The following GPHN variants were observed in gnomAD, a reference collection of about 807,000 sequenced individuals.
GPHN encodes gephyrin.
In GPHN, 17 loss-of-function variants were observed where a neutral mutation model predicts 95.5. The observed-to-expected ratio is 0.18, with a 90% CI of 0.12 to 0.27. GPHN has a LOEUF of 0.27. GPHN is among the 10% of genes least tolerant of loss of function. The pLI is 1.00. For missense variants in GPHN, 660 were observed against 978.1 expected (o/e 0.67, Z 4.34); for synonymous variants, 320 against 322.5 (o/e 0.99, Z 0.08).
intron 2 of GPHN, among the ~76,000 whole-genome samples, chr14:66,721,596 A>G (rs577549043): frequency 6.6e-6 from 1 of 152,242 alleles, no homozygotes; most frequent in African/African-American, 2.4e-5. Context: ...ATCCTTTGAT[A>G]TTTTCCAGGA....
chr14:67,336,855 CA>C, the GPHN span: 1 of 436,398 alleles, frequency 2.3e-6, no homozygotes, highest in South Asian at 1.6e-5. Context: ...ATTCTGTGAG[CA>C]GCAACCAGAT....
chr14:66,993,085 G>T (rs2071541262), intron 9 of GPHN, among the ~76,000 whole-genome samples: 1 of 152,106 alleles, frequency 6.6e-6, no homozygotes, highest in Admixed American at 6.6e-5. Context: ...TCATTTTAAA[G>T]CTTGAGAAAA....
chr14:67,096,507 CT>C (rs1225760359), intron 12 of GPHN, among the ~76,000 whole-genome samples: 5 of 152,076 alleles, frequency 3.3e-5, no homozygotes, highest in Non-Finnish European at 7.4e-5. Context: ...AGAATGCCAA[CT>C]TCATTTCTTT....
the GPHN span, among the ~76,000 whole-genome samples, chr14:67,358,868 C>T: frequency 1.3e-5 from 2 of 152,152 alleles, no homozygotes; most frequent in African/African-American, 2.4e-5. Flanking sequence ...AAAGGCAGCC[C>T]ACAACTGAGC....
At chr14:66,957,264 C>T (rs755518284) in intron 8 of GPHN, among the ~76,000 whole-genome samples, 5 of 129,846 alleles carry the variant, frequency 3.9e-5, no homozygotes, top group South Asian at 2.6e-4. Context: ...GGCACAATCT[C>T]GGCTCACTGA....
intron 2 of GPHN, among the ~76,000 whole-genome samples, chr14:66,692,673 A>G (rs1042320748): frequency 3.3e-5 from 5 of 152,174 alleles, no homozygotes; most frequent in Admixed American, 3.3e-4. Flanking sequence ...CCATTGGTGC[A>G]TATAAACTAT....
chr14:67,609,553 G>A, the GPHN span, among the ~76,000 whole-genome samples: 1 of 152,130 alleles, frequency 6.6e-6, no homozygotes, highest in African/African-American at 2.4e-5. Flanking sequence ...ATGTGTGTGT[G>A]TTGGGGGTGG....
At chr14:67,555,720 T>A in the GPHN span, 2 of 1,515,052 alleles carry the variant, frequency 1.3e-6, no homozygotes, top group Non-Finnish European at 8.9e-7. Flanking sequence ...GCACTTGAAG[T>A]CTGGCCTGTG....
intron 5 of GPHN, 51 bp downstream of exon 5, chr14:66,880,084 C>A: frequency 2.7e-6 from 3 of 1,108,944 alleles, no homozygotes; most frequent in Non-Finnish European, 4.1e-6. Flanking sequence ...GAACTGTTTC[C>A]GTGATATTAA....
the GPHN span, chr14:67,584,055 G>C: frequency 6.2e-7 from 1 of 1,614,018 alleles, no homozygotes; most frequent in Non-Finnish European, 8.5e-7. Context: ...CCCCTCCTGA[G>C]TGCATCCGCA....
chr14:67,207,888 T>C, the GPHN span, among the ~76,000 whole-genome samples: 1 of 152,226 alleles, frequency 6.6e-6, no homozygotes. Flanking sequence ...CTGGGAAACT[T>C]TTCTTGTGCT....
chr14:67,550,836 T>C, the GPHN span, among the ~76,000 whole-genome samples: 3 of 152,210 alleles, frequency 2.0e-5, no homozygotes, highest in Non-Finnish European at 2.9e-5. Flanking sequence ...ATTCTGGCTT[T>C]GAATCTTAGT....
chr14:67,436,656 A>G, the GPHN span, among the ~76,000 whole-genome samples: 1 of 152,168 alleles, frequency 6.6e-6, no homozygotes, highest in East Asian at 1.9e-4. Context: ...TCCTTCCACA[A>G]GTTCCTCCCA....
the GPHN span, chr14:67,562,236 A>G: frequency 4.3e-6 from 7 of 1,612,384 alleles, no homozygotes; most frequent in Non-Finnish European, 5.1e-6. Context: ...CCTATGGGCC[A>G]GGACAGTGGC....
intron 2 of GPHN, among the ~76,000 whole-genome samples, chr14:66,700,130 A>T (rs1246261982): frequency 6.6e-6 from 1 of 152,184 alleles, no homozygotes; most frequent in East Asian, 1.9e-4. Context: ...TTCTGAGGTT[A>T]TAGTGTTAAA....
intron 1 of GPHN, among the ~76,000 whole-genome samples, chr14:66,605,503 G>A (rs2062478474): frequency 6.7e-6 from 1 of 148,694 alleles, no homozygotes; most frequent in South Asian, 2.1e-4. Flanking sequence ...GTCTTCTTTT[G>A]ATAAGTGTCT....
At chr14:67,203,525 G>A in the GPHN span, among the ~76,000 whole-genome samples, 1 of 152,206 alleles carries the variant, frequency 6.6e-6, no homozygotes, top group Admixed American at 6.5e-5. Flanking sequence ...AGGAACTGAA[G>A]ACTCATAATA....
At chr14:66,575,773 TG>T (rs900819837) in intron 1 of GPHN, among the ~76,000 whole-genome samples, 1 of 152,002 alleles carries the variant, frequency 6.6e-6, no homozygotes. Context: ...CCTGTGTCTA[TG>T]GGGGGCTGGC....
intron 2 of GPHN, among the ~76,000 whole-genome samples, chr14:66,715,257 A>G (rs2070060349): frequency 1.3e-5 from 2 of 152,184 alleles, no homozygotes; most frequent in South Asian, 4.1e-4. Flanking sequence ...GTTCTAGTTT[A>G]TGCACATTAA....
Sources: allele counts gnomAD v4.1 joint callset (sites outside exome capture counted in the v4.1 genomes callset), GRCh38; gene constraint gnomAD v4.1.1; transcripts MANE v1.5; gene names NCBI Gene and HGNC (gene_info 2026-07-23, HGNC 2026-07-21).